Variants in LRRC4C observed in about 807,000 individuals in gnomAD.
LRRC4C encodes the protein leucine-rich repeat-containing protein 4C.
Under a neutral mutation model 33.6 loss-of-function variants are expected in LRRC4C, and 5 were observed. That is an observed-to-expected ratio of 0.15 (90% confidence interval 0.08 to 0.31). The LOEUF is 0.31. LRRC4C is among the 10% of genes least tolerant of loss of function. The probability of loss-of-function intolerance (pLI) is 1.00; values close to 1 mark genes in which losing one functional copy is unlikely to be tolerated. For missense variants in LRRC4C, 560 were observed against 796.7 expected, an observed-to-expected ratio of 0.70 and a Z score of 3.58; for synonymous variants, 329 against 302.0, an observed-to-expected ratio of 1.09 and a Z score of -0.93.
chr11:41,454,279 A>G (rs1326662894), intron 1 of LRRC4C, among the ~76,000 whole-genome samples: 2 of 152,166 alleles, frequency 1.3e-5, no homozygotes, highest in Non-Finnish European at 2.9e-5. Context: ...TAAAGGTCAC[A>G]CAGAATGACA....
chr11:41,046,038 T>G (rs945350469), intron 1 of LRRC4C, among the ~76,000 whole-genome samples: 1 of 152,174 alleles, frequency 6.6e-6, no homozygotes, highest in African/African-American at 2.4e-5. Flanking sequence ...ACAAAGAAAT[T>G]TATTTTGCTT....
At chr11:40,716,481 A>AATT (rs1425167767) in intron 2 of LRRC4C, among the ~76,000 whole-genome samples, 1 of 152,154 alleles carries the variant, frequency 6.6e-6, no homozygotes, top group Non-Finnish European at 1.5e-5. Flanking sequence ...AACCAAAAAC[A>AATT]ATTGCTTCAC....
intron 3 of LRRC4C, among the ~76,000 whole-genome samples, chr11:40,565,389 G>A (rs1445770821): frequency 2.0e-5 from 3 of 152,172 alleles, no homozygotes; most frequent in Admixed American, 6.5e-5. Flanking sequence ...AAGATGTACT[G>A]TAGAGTTCAT....
At chr11:41,084,979 G>T (rs1939858190) in intron 1 of LRRC4C, among the ~76,000 whole-genome samples, 1 of 152,162 alleles carries the variant, frequency 6.6e-6, no homozygotes, top group South Asian at 2.1e-4. Context: ...AAGTAAGCAT[G>T]CTTAGCATAT....
chr11:40,830,115 T>C (rs1362172467), intron 2 of LRRC4C, among the ~76,000 whole-genome samples: 2 of 151,974 alleles, frequency 1.3e-5, no homozygotes, highest in Non-Finnish European at 2.9e-5. Flanking sequence ...CACGGGCTAT[T>C]AAGATCTATG....
At chr11:40,165,826 T>A (rs941449857) in intron 5 of LRRC4C, among the ~76,000 whole-genome samples, 11 of 152,086 alleles carry the variant, frequency 7.2e-5, no homozygotes, top group Non-Finnish European at 1.3e-4. Flanking sequence ...ATGCTTGTAA[T>A]CCCAGCTACT....
At chr11:40,632,760 T>C (rs935446457) in intron 3 of LRRC4C, among the ~76,000 whole-genome samples, 1 of 152,228 alleles carries the variant, frequency 6.6e-6, no homozygotes, top group East Asian at 1.9e-4. Context: ...CAAGACGGTA[T>C]GTGGCACTTA....
Position 40,460,637 on chromosome 11 carries a change from T to G in LRRC4C, c.-269-140916A>C, listed in dbSNP as rs556246066. ...GGCAGTAAGCTTTGGGAAATGACAT[T>G]TAGTTCACCACAATTTCATAATTTT... On this transcript the variant is annotated intron_variant, in intron 3 of 6. Coordinates refer to ENST00000528697, the MANE Select transcript of LRRC4C (RefSeq NM_001258419.2). Among the ~76,000 whole-genome samples, 6 of 152,298 alleles carry G rather than the reference T, an allele frequency of 3.9e-5. No individual in the cohort carries two copies. In the South Asian group the frequency reaches 1.2e-3, roughly 32 times the overall value.
At chr11:40,135,331 T>A (rs1467278156) in intron 6 of LRRC4C, among the ~76,000 whole-genome samples, 1 of 152,242 alleles carries the variant, frequency 6.6e-6, no homozygotes, top group East Asian at 1.9e-4. Flanking sequence ...GAACCAAGTT[T>A]TCTTTTTTGC....
At position 41,364,789 on chromosome 11, in the gene LRRC4C, C is replaced by T. The variant is rs75392431; in HGVS notation, c.-496+94642G>A. 9.0e-3 allele frequency among the ~76,000 whole-genome samples: 1,363 copies of T among 152,132 alleles called. 31 individuals carry two copies. Among genetic ancestry groups the T allele is most frequent in the African/African-American group, 0.031 (1,304 of 41,486 alleles). On this transcript the variant is annotated intron_variant, in intron 1 of 6. Coordinates refer to ENST00000528697, the MANE Select transcript of LRRC4C (RefSeq NM_001258419.2). The stretch of plus-strand genomic sequence containing the variant: ...GTCAAAATGAACCTTGTTTTCTTCA[C>T]CTCAGTTTTTCCCACCTAGACATAA...
intron 3 of LRRC4C, among the ~76,000 whole-genome samples, chr11:40,425,346 A>G (rs1950671901): frequency 6.6e-6 from 1 of 152,194 alleles, no homozygotes; most frequent in Non-Finnish European, 1.5e-5. Context: ...GCAGGGGGAT[A>G]TGCACACTCT....
At chr11:40,371,754 A>G (rs1289718509) in intron 3 of LRRC4C, among the ~76,000 whole-genome samples, 1 of 152,234 alleles carries the variant, frequency 6.6e-6, no homozygotes, top group Non-Finnish European at 1.5e-5. Context: ...GTGCTAGGAT[A>G]GAATATATCC....
At chr11:40,284,704 G>A (rs1943715282) in intron 4 of LRRC4C, among the ~76,000 whole-genome samples, 1 of 152,154 alleles carries the variant, frequency 6.6e-6, no homozygotes, top group African/African-American at 2.4e-5. Context: ...TTGATGACTG[G>A]TTGGATAGGA....
chr11:40,437,689 C>T (rs746077401), intron 3 of LRRC4C, among the ~76,000 whole-genome samples: 11 of 151,646 alleles, frequency 7.3e-5, no homozygotes, highest in Admixed American at 2.6e-4. Context: ...CCACCGTTCC[C>T]GGCTGTGACT....
intron 1 of LRRC4C, among the ~76,000 whole-genome samples, chr11:41,225,732 T>A (rs369999603): frequency 6.6e-6 from 1 of 152,154 alleles, no homozygotes; most frequent in African/African-American, 2.4e-5. Flanking sequence ...AACTTAAATA[T>A]AGGAAACAAA....
intron 1 of LRRC4C, among the ~76,000 whole-genome samples, chr11:41,373,635 G>A (rs963387082): frequency 6.6e-6 from 1 of 152,014 alleles, no homozygotes; most frequent in African/African-American, 2.4e-5. Flanking sequence ...TTGAATCCAG[G>A]CATGCAAATG....
chr11:41,025,399 T>C (rs1322221414), intron 1 of LRRC4C, among the ~76,000 whole-genome samples: 4 of 151,654 alleles, frequency 2.6e-5, no homozygotes, highest in Non-Finnish European at 5.9e-5. Flanking sequence ...GCCTTATTGC[T>C]GATATGAGGA....
chr11:40,148,678 T>C (rs914046763), intron 5 of LRRC4C, among the ~76,000 whole-genome samples: 2 of 152,176 alleles, frequency 1.3e-5, no homozygotes, highest in Non-Finnish European at 2.9e-5. Context: ...AGAAGATCCT[T>C]AGTTTAATTA....
chr11:40,992,566 C>T (rs952982977), intron 1 of LRRC4C, among the ~76,000 whole-genome samples: 2 of 151,660 alleles, frequency 1.3e-5, no homozygotes, highest in African/African-American at 4.8e-5. Flanking sequence ...CTGAATATAT[C>T]CAGTGATGAA....
Sources: allele counts gnomAD v4.1 joint callset (sites outside exome capture counted in the v4.1 genomes callset), GRCh38; gene constraint gnomAD v4.1.1; transcripts MANE v1.5; gene names NCBI Gene and HGNC (gene_info 2026-07-23, HGNC 2026-07-21).